The following NACC2 variants were observed in gnomAD, a reference collection of about 807,000 sequenced individuals.
The protein encoded by NACC2 is NACC family member 2.
NACC2 carries 8 observed loss-of-function variants against 25.1 expected under a neutral mutation model. The observed-to-expected ratio is 0.32, with a 90% confidence interval of 0.19 to 0.57. The LOEUF (loss-of-function observed/expected upper bound fraction) is 0.57, where lower values mean the gene tolerates loss of function less well. Ranked by LOEUF, NACC2 falls within the 20% of genes least tolerant of loss-of-function variation. NACC2 has a pLI of 0.89. For synonymous variants in NACC2, 435 were observed against 294.7 expected (o/e 1.48, Z -4.88); for missense variants, 644 against 650.2 (o/e 0.99, Z 0.10).
intron 2 of NACC2, among the ~76,000 whole-genome samples, chr9:136,039,161 A>C (rs1840594716): frequency 1.3e-5 from 2 of 152,218 alleles, no homozygotes; most frequent in East Asian, 1.9e-4. Flanking sequence ...AAATATAAGA[A>C]AGCTGAAGTG....
At chr9:136,015,433 A>T (rs983378149) in intron 3 of NACC2, among the ~76,000 whole-genome samples, 2 of 152,214 alleles carry the variant, frequency 1.3e-5, no homozygotes, top group African/African-American at 2.4e-5. Context: ...GCAGCCCAGG[A>T]GGCCACTCTC....
At chr9:136,046,991 G>A (rs1261872344) in intron 2 of NACC2, among the ~76,000 whole-genome samples, 2 of 152,192 alleles carry the variant, frequency 1.3e-5, no homozygotes, top group Admixed American at 1.3e-4. Flanking sequence ...ACACACCAAG[G>A]TGCAGCTCCG....
At chr9:136,047,806 G>A (rs1339677732) in intron 2 of NACC2, among the ~76,000 whole-genome samples, 6 of 152,100 alleles carry the variant, frequency 3.9e-5, no homozygotes, top group East Asian at 1.9e-4. Flanking sequence ...TCTAGCTCAC[G>A]AAGTCCAGGC....
chr9:136,017,406 C>T (rs1407989192), intron 2 of NACC2, among the ~76,000 whole-genome samples: 1 of 152,156 alleles, frequency 6.6e-6, no homozygotes, highest in African/African-American at 2.4e-5. Flanking sequence ...CATCTGACGA[C>T]CACCTGCTGG....
chr9:136,092,144 C>A (rs928922065), intron 1 of NACC2, among the ~76,000 whole-genome samples: 2 of 152,210 alleles, frequency 1.3e-5, no homozygotes, highest in Non-Finnish European at 2.9e-5. Context: ...CAAGCTCCCC[C>A]ACCCAAGGCC....
At chr9:136,044,229 A>G (rs2131157161) in intron 2 of NACC2, among the ~76,000 whole-genome samples, 1 of 152,312 alleles carries the variant, frequency 6.6e-6, no homozygotes, top group Admixed American at 6.5e-5. Context: ...ATGAAAGCAG[A>G]CAGATGGTCC....
At chr9:136,028,058 G>A (rs1039446082) in intron 2 of NACC2, among the ~76,000 whole-genome samples, 1 of 152,112 alleles carries the variant, frequency 6.6e-6, no homozygotes, top group South Asian at 2.1e-4. Context: ...TCAGAAGTTC[G>A]AGACCAGCCT....
intron 3 of NACC2, among the ~76,000 whole-genome samples, chr9:136,015,831 G>A (rs774603289): frequency 6.6e-6 from 1 of 152,216 alleles, no homozygotes; most frequent in African/African-American, 2.4e-5. Flanking sequence ...GTAAATTCCT[G>A]AGCGAGGCCC....
At chr9:136,049,584 G>GCAGGCCCCGCTTCCCAGC in intron 2 of NACC2, 52 bp downstream of exon 2, 1 of 736,122 alleles carries the variant, frequency 1.4e-6, no homozygotes, top group South Asian at 1.4e-5. Flanking sequence ...CGGGTCCCAG[G>GCAGGCCCCGCTTCCCAGC]CAGGCCCCGC....
At position 136,012,060 on chromosome 9, in the gene NACC2, C is replaced by G. The variant is rs772532771; in HGVS notation, c.1256-36G>C. The G allele has an allele frequency of 2.7e-6, 4 of 1,476,094 alleles. No homozygotes were observed. In the East Asian group the frequency reaches 1.1e-4, roughly 39 times the overall value. The allele number at this position is 1,476,094 out of a possible 1,614,324, so 91.4% of individuals were successfully genotyped here. The stretch of plus-strand genomic sequence containing the variant: ...GGGGCGGCGTGAGCTCAGCCACCTG[C>G]CTGCCGGGAGGCCCGCCCCTCCCCA... On this transcript the variant is annotated intron_variant, in intron 5 of 5. Transcript: ENST00000277554.
At chr9:136,078,479 G>T (rs1200434655) in intron 1 of NACC2, among the ~76,000 whole-genome samples, 1 of 152,196 alleles carries the variant, frequency 6.6e-6, no homozygotes, top group Non-Finnish European at 1.5e-5. Context: ...GTAAGCGCAG[G>T]AGAAATACCA....
In NACC2 at chr9:136,013,196, T is replaced by C. The variant is rs1235783845; in HGVS notation, c.1255+3A>G. ...CCCACCCGAGAGACCCCCAGGCTCT[T>C]ACATTTCACAGCGTTCAGGACCCGG... On this transcript the variant is annotated splice_donor_region_variant and intron_variant, in intron 5 of 5. Transcript: ENST00000277554. This position sits in a 1 kb window ranked among gnomAD's most constrained non-coding sequence, Gnocchi z 6.6. 1.5e-6 allele frequency: 2 copies of C among 1,374,046 alleles called. No homozygotes were observed. The highest frequency in any genetic ancestry group is 2.9e-5 in the African/African-American group (2 of 69,130). The allele number at this position is 1,374,046 out of a possible 1,614,324, so 85.1% of individuals were successfully genotyped here.
chr9:136,051,023 G>A (rs1840824309), intron 1 of NACC2, among the ~76,000 whole-genome samples: 1 of 152,210 alleles, frequency 6.6e-6, no homozygotes, highest in Admixed American at 6.5e-5. Flanking sequence ...CCGCGCTGGA[G>A]CAGCGGGGAA....
chr9:136,033,757 A>C (rs1588564881), intron 2 of NACC2, among the ~76,000 whole-genome samples: 1 of 152,012 alleles, frequency 6.6e-6, no homozygotes, highest in Non-Finnish European at 1.5e-5. Flanking sequence ...GGAGAGTATC[A>C]GTATGAACCC....
chr9:136,083,048 C>A (rs1373640993), intron 1 of NACC2, among the ~76,000 whole-genome samples: 1 of 152,228 alleles, frequency 6.6e-6, no homozygotes, highest in East Asian at 1.9e-4. Context: ...CCAGATTGAT[C>A]TCCTGACGAC....
At chr9:136,078,080 C>A (rs1367622460) in intron 1 of NACC2, among the ~76,000 whole-genome samples, 1 of 152,168 alleles carries the variant, frequency 6.6e-6, no homozygotes, top group Non-Finnish European at 1.5e-5. Context: ...CCCAATCATA[C>A]TTTTATAATC....
chr9:136,034,711 G>A (rs1443346390), intron 2 of NACC2, among the ~76,000 whole-genome samples: 2 of 152,012 alleles, frequency 1.3e-5, no homozygotes, highest in African/African-American at 2.4e-5. Context: ...ATAAATGAAG[G>A]AATAAAACCA....
Position 136,018,748 on chromosome 9 carries a change from G to A in NACC2, c.887-2319C>T, listed in dbSNP as rs11103275. ...TCGCAGGATAAGCCCAGAATTACCC[G>A]AGTGCTCAGGGAACACAGCAAAACA... On this transcript the variant is annotated intron_variant, in intron 2 of 5. Coordinates refer to ENST00000277554, the MANE Select transcript of NACC2 (RefSeq NM_144653.5). This position sits in a 1 kb window ranked among gnomAD's most constrained non-coding sequence, Gnocchi z 4.4. Among the ~76,000 whole-genome samples, 20,856 of 152,044 alleles carry A rather than the reference G, an allele frequency of 0.14. 1,606 individuals carry two copies. Among genetic ancestry groups the A allele is most frequent in the Admixed American group, 0.19 (2,920 of 15,286 alleles).
At position 136,011,739 on chromosome 9, in the gene NACC2, A is replaced by G; in HGVS notation, c.1541T>C (p.Val514Ala). Residue 514 changes from valine to alanine, a missense_variant, in exon 6 of 6, where the codon GTG becomes GCG. Coordinates refer to ENST00000277554, the MANE Select transcript of NACC2 (RefSeq NM_144653.5). ...ATIVALRTDA[V>A]NVDLSAAANP... The stretch of plus-strand genomic sequence containing the variant: ...GGCGGCGGCACTCAGGTCAACATTC[A>G]CGGCGTCAGTTCTCAGAGCCACGAT... The G allele has an allele frequency of 6.5e-7, 1 of 1,537,452 alleles. No individual in the cohort carries two copies. The highest frequency in any genetic ancestry group is 8.8e-7 in the Non-Finnish European group (1 of 1,142,464).
Sources: allele counts gnomAD v4.1 joint callset (sites outside exome capture counted in the v4.1 genomes callset), GRCh38; gene constraint gnomAD v4.1.1; non-coding constraint Gnocchi (gnomAD v3.1); transcripts MANE v1.5; gene names NCBI Gene and HGNC (gene_info 2026-07-23, HGNC 2026-07-21).